ARHGEF11: variants seen among roughly 807,000 people sequenced by gnomAD.
ARHGEF11 encodes the protein Rho guanine nucleotide exchange factor 11, also known as Rho guanine exchange factor (GEF) 11.
ARHGEF11 carries 55 observed loss-of-function variants against 193.7 expected under a neutral mutation model. That is an observed-to-expected ratio of 0.28 (90% CI 0.23 to 0.36). The LOEUF (loss-of-function observed/expected upper bound fraction) is 0.36. Among genes scored for constraint, ARHGEF11 ranks in the 10% least tolerant of loss-of-function variants. ARHGEF11 has a pLI of 1.00. For synonymous variants in ARHGEF11, 693 were observed against 768.0 expected (o/e 0.90, Z 1.62); for missense variants, 1,723 against 2,005.6 (o/e 0.86, Z 2.69).
intron 5 of ARHGEF11, among the ~76,000 whole-genome samples, chr1:156,978,675 A>G (rs1663616779): frequency 6.6e-6 from 1 of 152,204 alleles, no homozygotes; most frequent in African/African-American, 2.4e-5. Flanking sequence ...TTATCTCACT[A>G]AAGTAAGTAG....
intron 1 of ARHGEF11, among the ~76,000 whole-genome samples, chr1:156,991,316 T>C (rs1337622251): frequency 6.6e-6 from 1 of 152,168 alleles, no homozygotes; most frequent in Admixed American, 6.5e-5. Context: ...CTGGGTTTTT[T>C]GTTTGTTTTG....
In ARHGEF11 at chr1:156,942,781, CTGTG is replaced by C. The variant is rs1255504283; in HGVS notation, c.3236-5_3236-2del. 1.9e-6 allele frequency: 3 copies of C among 1,613,894 alleles called. No homozygotes were observed. Among genetic ancestry groups the C allele is most frequent in the South Asian group, 2.2e-5 (2 of 91,078 alleles). ...CAGATGATGAAGAAGGCCCGTTTAT[CTGTG>C]TGAGGAAAGGAAGGTAGAAGGGTCT... On this transcript the variant is annotated splice_acceptor_variant and splice_polypyrimidine_tract_variant and intron_variant, in intron 32 of 40. Coordinates refer to ENST00000368194, the MANE Select transcript of ARHGEF11 (RefSeq NM_198236.3). LOFTEE classifies it high-confidence loss of function.
chr1:157,027,283 G>A (rs1670760404), intron 1 of ARHGEF11, among the ~76,000 whole-genome samples: 1 of 152,108 alleles, frequency 6.6e-6, no homozygotes, highest in South Asian at 2.1e-4. Flanking sequence ...TCAGGATGTG[G>A]GAGGATAACT....
rs780951304 is a variant in ARHGEF11, at chr1:156,951,618, CGTT to C, written c.1877_1879del (p.Gln626del). On this transcript the variant is annotated inframe_deletion, in exon 22 of 41. Coordinates refer to ENST00000368194, the MANE Select transcript of ARHGEF11 (RefSeq NM_198236.3). ...CTCAGGAAAGCTTCCGGTCGAGAGT[CGTT>C]GTGTCCCAGGTTCTGGGGCATCATA... 6.2e-7 allele frequency: 1 copy of C among 1,614,188 alleles called. No homozygotes were observed. Among genetic ancestry groups the C allele is most frequent in the South Asian group, 1.1e-5 (1 of 91,070 alleles).
At position 156,948,224 on chromosome 1, in the gene ARHGEF11, G is replaced by A; in HGVS notation, c.2110C>T (p.Leu704Phe). Residue 704 changes from leucine to phenylalanine, a missense_variant, in exon 24 of 41, where the codon CTT becomes TTT. Transcript: ENST00000368194. The surrounding 1 kb of genome is among the most constrained non-coding windows in gnomAD (Gnocchi z 4.2). Reference protein sequence around the residue: ...SSTSSLSTRSLENPTPPFTPK... With the variant: ...SSTSSLSTRSFENPTPPFTPK... ...GTGAATGGAGGGGTTGGGTTCTCAA[G>A]AGACCTGTGGAGGGAATGTCAACTC... 6.3e-7 allele frequency: 1 copy of A among 1,588,262 alleles called. No homozygotes were observed. The highest frequency in any genetic ancestry group is 8.6e-7 in the Non-Finnish European group (1 of 1,164,326).
rs1009312115 is a variant in ARHGEF11, at chr1:157,045,465, C to G, written c.-1135G>C. 1 of 152,236 alleles carries G rather than the reference C, an allele frequency of 6.6e-6. No individual in the cohort carries two copies. The highest frequency in any genetic ancestry group is 2.4e-5 in the African/African-American group (1 of 41,440). 9.4% of individuals were successfully genotyped at this position (152,236 alleles called of 1,614,324 possible). On this transcript the variant is annotated 5_prime_UTR_variant, in exon 1 of 41. Coordinates refer to ENST00000368194, the MANE Select transcript of ARHGEF11 (RefSeq NM_198236.3). Reference sequence around the variant, plus strand: ...CGGATTATTATTGTGGATTTGAGTTCGAGGTGGGTTTTTCTTCCACACCAG... The same window carrying G: ...CGGATTATTATTGTGGATTTGAGTTGGAGGTGGGTTTTTCTTCCACACCAG...
chr1:156,946,241 T>C, intron 28 of ARHGEF11, 79 bp from the exon 29 acceptor site: 1 of 1,196,396 alleles, frequency 8.4e-7, no homozygotes, highest in Non-Finnish European at 1.2e-6. Context: ...CCAAGATGGG[T>C]GTGAACATGA....
chr1:156,944,099 A>C lies in ARHGEF11; in HGVS notation c.3071T>G (p.Leu1024Arg). The change falls in exon 32 of 41, where the codon CTC (leucine) becomes CGC (arginine). Residue 1024 changes from leucine to arginine, a missense_variant. By Grantham distance (102) the Leu-to-Arg change is moderately radical (BLOSUM62 -2). Transcript: ENST00000368194. The stretch of plus-strand genomic sequence containing the variant: ...GAGGTCCTCCAGCAGCAGCACGTGG[A>C]GGTCTGGAGGGGTATGGTCATGGGA... ...WRISKDKTLD[L>R]HVLLLEDLLV... The C allele has an allele frequency of 1.2e-6, 2 of 1,613,390 alleles. No homozygotes were observed. The highest frequency in any genetic ancestry group is 1.7e-6 in the Non-Finnish European group (2 of 1,179,598).
intron 1 of ARHGEF11, among the ~76,000 whole-genome samples, chr1:157,001,410 CCA>C (rs1419701842): frequency 6.6e-6 from 1 of 152,204 alleles, no homozygotes; most frequent in African/African-American, 2.4e-5. Context: ...GCAGCTCTCG[CCA>C]CAGTTTCATC....
At chr1:156,957,679 TG>T in intron 18 of ARHGEF11, 112 bp downstream of exon 18, 1 of 1,196,482 alleles carries the variant, frequency 8.4e-7, no homozygotes, top group Non-Finnish European at 1.2e-6. Context: ...CGGTCCTTCA[TG>T]GTTGTACAAC....
Position 156,937,451 on chromosome 1 carries a change from C to A in ARHGEF11, c.4238G>T (p.Ser1413Ile). 17 of 1,553,750 alleles carry A rather than the reference C, an allele frequency of 1.1e-5. No homozygotes were observed. Among genetic ancestry groups the A allele is most frequent in the Non-Finnish European group, 1.5e-5 (17 of 1,153,174 alleles). The change falls in exon 39 of 41, where the codon AGC becomes ATC. Residue 1413 changes from serine to isoleucine, a missense_variant. Transcript: ENST00000368194. ...VSMPSGPPDS[S>I]TDHSEAPMSP... Reference sequence around the variant, plus strand: ...CATGGGTGCCTCTGAGTGGTCGGTGCTTGAGTCCGGGGGTCCTGATGGCAT... The same window carrying A: ...CATGGGTGCCTCTGAGTGGTCGGTGATTGAGTCCGGGGGTCCTGATGGCAT...
chr1:156,984,962 C>T (rs1444447795), intron 2 of ARHGEF11, among the ~76,000 whole-genome samples: 2 of 151,692 alleles, frequency 1.3e-5, no homozygotes, highest in Non-Finnish European at 2.9e-5. Context: ...GGGAAGGACA[C>T]ATGACAAGAA....
chr1:157,014,413 T>C (rs1668950799), intron 1 of ARHGEF11, among the ~76,000 whole-genome samples: 1 of 152,164 alleles, frequency 6.6e-6, no homozygotes, highest in African/African-American at 2.4e-5. Context: ...CTCTTTTTTT[T>C]TCTCCTCTTT....
intron 1 of ARHGEF11, among the ~76,000 whole-genome samples, chr1:157,001,238 T>G (rs1667172412): frequency 6.6e-6 from 1 of 152,204 alleles, no homozygotes; most frequent in African/African-American, 2.4e-5. Context: ...ATCTTCTATT[T>G]TTTTGTTTCT....
intron 1 of ARHGEF11, among the ~76,000 whole-genome samples, chr1:157,007,924 T>G (rs1375568601): frequency 1.6e-5 from 2 of 121,488 alleles, no homozygotes; most frequent in Non-Finnish European, 3.5e-5. Context: ...TTTTTTTTTT[T>G]TTTGTCTCTT....
At chr1:156,945,327 C>A in intron 29 of ARHGEF11, 130 bp from the exon 30 acceptor site, 1 of 996,118 alleles carries the variant, frequency 1.0e-6, no homozygotes. Flanking sequence ...TGGAGGGGAG[C>A]CACCCTTGCC....
chr1:156,983,810 T>C (rs2102455569), intron 3 of ARHGEF11, among the ~76,000 whole-genome samples: 1 of 152,370 alleles, frequency 6.6e-6, no homozygotes, highest in East Asian at 1.9e-4. Context: ...CACAAACTAC[T>C]CAAACTTCCA....
chr1:157,010,758 TA>T (rs1421839781), intron 1 of ARHGEF11, among the ~76,000 whole-genome samples: 5 of 152,082 alleles, frequency 3.3e-5, no homozygotes, highest in African/African-American at 9.7e-5. Context: ...AAAATGAAAT[TA>T]AGAAAACAAT....
chr1:157,039,423 T>C (rs1214371884), intron 1 of ARHGEF11, among the ~76,000 whole-genome samples: 2 of 152,236 alleles, frequency 1.3e-5, no homozygotes, highest in Non-Finnish European at 2.9e-5. Context: ...CATCCACGTC[T>C]ACTAACTCAG....
Sources: allele counts gnomAD v4.1 joint callset (sites outside exome capture counted in the v4.1 genomes callset), GRCh38; gene constraint gnomAD v4.1.1; non-coding constraint Gnocchi (gnomAD v3.1); transcripts MANE v1.5; gene names NCBI Gene and HGNC (gene_info 2026-07-23, HGNC 2026-07-21).